Variants in RALGPS2 observed in about 807,000 individuals in gnomAD.
RALGPS2 encodes the protein Ral GEF with PH domain and SH3 binding motif 2.
A neutral mutation model predicts 86.8 loss-of-function variants in RALGPS2; 43 were observed. The ratio of observed to expected loss-of-function variants is 0.50; its 90% CI spans 0.39 to 0.64. RALGPS2 has a LOEUF of 0.64. Among genes scored for constraint, RALGPS2 ranks in the 30% least tolerant of loss-of-function variants. The probability of loss-of-function intolerance (pLI) is 0.00; values close to 1 mark genes in which losing one functional copy is unlikely to be tolerated. For missense variants in RALGPS2, 536 were observed against 694.6 expected, an observed-to-expected ratio of 0.77 and a Z score of 2.57; for synonymous variants, 243 against 231.3, an observed-to-expected ratio of 1.05 and a Z score of -0.46.
At chr1:178,906,326 G>C (rs376228101) in intron 18 of RALGPS2, among the ~76,000 whole-genome samples, 1 of 151,818 alleles carries the variant, frequency 6.6e-6, no homozygotes, top group Admixed American at 6.6e-5. Context: ...AATGAGCTGA[G>C]ATTGTGCCAC....
At chr1:178,829,776 G>T (rs1235188284) in intron 7 of RALGPS2, among the ~76,000 whole-genome samples, 1 of 151,380 alleles carries the variant, frequency 6.6e-6, no homozygotes, top group African/African-American at 2.4e-5. Flanking sequence ...ATGGAGTCTC[G>T]CTCTATCACC....
Position 178,770,315 on chromosome 1 carries a change from T to C in RALGPS2, c.-83-6367T>C, listed in dbSNP as rs556007526. Among the ~76,000 whole-genome samples, 37 of 151,858 alleles carry C rather than the reference T, an allele frequency of 2.4e-4. No individual in the cohort carries two copies. The East Asian group carries it at 7.0e-3, about 29-fold the overall frequency. The stretch of plus-strand genomic sequence containing the variant: ...CTGGAATTACAGGCTTGAGCCACCA[T>C]GCCCAGCCCACAGTTGATCTTTATG... On this transcript the variant is annotated intron_variant, in intron 1 of 19. Transcript: ENST00000367635.
intron 2 of RALGPS2, among the ~76,000 whole-genome samples, chr1:178,782,857 A>C (rs978701478): frequency 6.6e-6 from 1 of 152,226 alleles, no homozygotes; most frequent in Admixed American, 6.5e-5. Context: ...TAAGCACAGC[A>C]TAATGCCTAG....
intron 8 of RALGPS2, among the ~76,000 whole-genome samples, chr1:178,840,109 A>G (rs1232709886): frequency 6.6e-6 from 1 of 152,194 alleles, no homozygotes; most frequent in South Asian, 2.1e-4. Context: ...GAAGGTTAAC[A>G]AGGATATCCA....
At chr1:178,788,861 TTTTC>T (rs2102138994) in intron 4 of RALGPS2, among the ~76,000 whole-genome samples, 1 of 149,980 alleles carries the variant, frequency 6.7e-6, no homozygotes, top group South Asian at 2.1e-4. Context: ...TTTTCTTTTC[TTTTC>T]TTTTCTTTTC....
At chr1:178,798,850 G>C (rs1654327082) in intron 4 of RALGPS2, among the ~76,000 whole-genome samples, 1 of 152,118 alleles carries the variant, frequency 6.6e-6, no homozygotes, top group African/African-American at 2.4e-5. Flanking sequence ...TAAAAGGAAG[G>C]TGAAGTATCT....
chr1:178,736,317 A>G (rs1650702273), intron 1 of RALGPS2, among the ~76,000 whole-genome samples: 1 of 151,830 alleles, frequency 6.6e-6, no homozygotes, highest in African/African-American at 2.4e-5. Flanking sequence ...GCCTACCACC[A>G]TGCCTGGCTA....
intron 10 of RALGPS2, chr1:178,879,207 T>C (rs1659125429): frequency 3.9e-6 from 2 of 510,970 alleles, no homozygotes; most frequent in African/African-American, 2.0e-5. Context: ...TAATATTTTA[T>C]CTCTGTTTGT....
chr1:178,797,880 C>T (rs1654271520), intron 4 of RALGPS2, among the ~76,000 whole-genome samples: 2 of 151,228 alleles, frequency 1.3e-5, no homozygotes, highest in African/African-American at 2.4e-5. Flanking sequence ...CCCTGGCAGC[C>T]ACAAATCTGT....
intron 8 of RALGPS2, among the ~76,000 whole-genome samples, chr1:178,866,963 T>C (rs1658452682): frequency 6.6e-6 from 1 of 152,138 alleles, no homozygotes; most frequent in South Asian, 2.1e-4. Context: ...ATGTTCACTC[T>C]GTCAGATCTA....
At chr1:178,859,825 C>CG (rs1296111751) in intron 8 of RALGPS2, among the ~76,000 whole-genome samples, 3 of 70,898 alleles carry the variant, frequency 4.2e-5, no homozygotes, top group Admixed American at 2.6e-4. Flanking sequence ...TGCCCGCCCC[C>CG]CCCCCCCCAA....
At chr1:178,840,040 A>G (rs1313794302) in intron 8 of RALGPS2, among the ~76,000 whole-genome samples, 2 of 152,166 alleles carry the variant, frequency 1.3e-5, no homozygotes, top group Non-Finnish European at 2.9e-5. Flanking sequence ...AGACTCCCAC[A>G]CAATAATAAT....
intron 19 of RALGPS2, among the ~76,000 whole-genome samples, chr1:178,914,910 A>G (rs1229513844): frequency 1.3e-5 from 2 of 152,118 alleles, no homozygotes; most frequent in African/African-American, 4.8e-5. Flanking sequence ...CCTCATTGCT[A>G]TACATTTTCT....
At chr1:178,890,646 G>C (rs925564125) in intron 14 of RALGPS2, among the ~76,000 whole-genome samples, 5 of 151,730 alleles carry the variant, frequency 3.3e-5, no homozygotes, top group Non-Finnish European at 7.4e-5. Context: ...TGGAAAAATA[G>C]ATCCTTATTT....
At chr1:178,878,583 G>A (rs959334483) in intron 9 of RALGPS2, among the ~76,000 whole-genome samples, 1 of 152,054 alleles carries the variant, frequency 6.6e-6, no homozygotes, top group South Asian at 2.1e-4. Context: ...TTCTTTAAAA[G>A]AAAAGTAACT....
intron 4 of RALGPS2, among the ~76,000 whole-genome samples, chr1:178,789,072 A>G (rs142377514): frequency 0.015 from 2,302 of 151,936 alleles, 55 homozygotes; most frequent in African/African-American, 0.052. Flanking sequence ...ACGCCTCGCT[A>G]ATTTTTGTAT....
rs1243926235 is a variant in RALGPS2 at position 178,917,951 on chromosome 1, G to C, written c.*1592G>C. The stretch of plus-strand genomic sequence containing the variant: ...AGAATTTTATACTTTTTTATTATAA[G>C]TATTTTGCCCTTGAGTCCATGAAAC... On this transcript the variant is annotated 3_prime_UTR_variant, in exon 20 of 20. Transcript: ENST00000367635. 1 of 152,050 alleles carries C rather than the reference G, an allele frequency of 6.6e-6. No homozygotes were observed. The highest frequency in any genetic ancestry group is 1.5e-5 in the Non-Finnish European group (1 of 67,980). The allele number at this position is 152,050 out of a possible 1,614,324, so 9.4% of individuals were successfully genotyped here.
chr1:178,912,517 G>A (rs1372177753), intron 19 of RALGPS2, among the ~76,000 whole-genome samples: 1 of 152,130 alleles, frequency 6.6e-6, no homozygotes, highest in East Asian at 1.9e-4. Context: ...TAGGCCCCCA[G>A]CCTCTTCTGG....
intron 11 of RALGPS2, 145 bp downstream of exon 11, chr1:178,883,678 T>G (rs1659354871): frequency 1.4e-6 from 1 of 730,998 alleles, no homozygotes; most frequent in Non-Finnish European, 2.2e-6. Context: ...TTTCTGGGTT[T>G]TTTGGTTTTT....
Sources: gnomAD v4.1 joint callset for allele counts (sites outside exome capture counted in the v4.1 genomes callset) on GRCh38, gnomAD v4.1.1 for gene constraint, MANE v1.5 for transcripts, NCBI Gene and HGNC (gene_info 2026-07-23, HGNC 2026-07-21) for gene names.